SHC3: variants seen among roughly 807,000 people sequenced by gnomAD.
The protein encoded by SHC3 is SHC adaptor protein 3.
In SHC3, 15 loss-of-function variants were observed where a neutral mutation model predicts 60.4. The observed-to-expected ratio is 0.25, with a 90% CI of 0.17 to 0.38. The LOEUF (loss-of-function observed/expected upper bound fraction) is 0.38. SHC3 is among the 10% of genes least tolerant of loss of function. The pLI is 1.00. For synonymous variants in SHC3, 294 were observed against 325.9 expected (o/e 0.90, Z 1.05); for missense variants, 677 against 786.1 (o/e 0.86, Z 1.66).
intron 2 of SHC3, among the ~76,000 whole-genome samples, chr9:89,084,869 A>G (rs1825502884): frequency 6.6e-6 from 1 of 152,190 alleles, no homozygotes; most frequent in African/African-American, 2.4e-5. Context: ...AAGAAGCTGG[A>G]CCACCAAGGC....
At chr9:89,140,236 T>A (rs1826373091) in intron 1 of SHC3, among the ~76,000 whole-genome samples, 1 of 152,102 alleles carries the variant, frequency 6.6e-6, no homozygotes, top group Non-Finnish European at 1.5e-5. Context: ...CATTTACCAG[T>A]TTCTTAATTG....
chr9:89,116,873 A>G (rs1032989248), intron 1 of SHC3, among the ~76,000 whole-genome samples: 1 of 152,194 alleles, frequency 6.6e-6, no homozygotes, highest in Non-Finnish European at 1.5e-5. Context: ...ATCCACCAGC[A>G]CAGAATCAAG....
chr9:89,114,192 A>G (rs1825990178), intron 1 of SHC3, among the ~76,000 whole-genome samples: 1 of 152,184 alleles, frequency 6.6e-6, no homozygotes, highest in South Asian at 2.1e-4. Flanking sequence ...TTATGAAGAT[A>G]CCACAAAAAA....
intron 2 of SHC3, among the ~76,000 whole-genome samples, chr9:89,084,679 C>G (rs1825500197): frequency 1.3e-5 from 2 of 152,190 alleles, no homozygotes; most frequent in Non-Finnish European, 1.5e-5. Context: ...TTAGAATAAG[C>G]CTTCTGCTCT....
chr9:89,112,137 CT>C (rs1236117304), intron 2 of SHC3, among the ~76,000 whole-genome samples: 1 of 152,190 alleles, frequency 6.6e-6, no homozygotes, highest in African/African-American at 2.4e-5. Flanking sequence ...GCTGTTTCTG[CT>C]TCCAATTCTA....
At chr9:89,063,235 T>C (rs1054783219) in intron 6 of SHC3, among the ~76,000 whole-genome samples, 1 of 152,156 alleles carries the variant, frequency 6.6e-6, no homozygotes, top group Non-Finnish European at 1.5e-5. Flanking sequence ...GTTCAAGCGA[T>C]TCTTCTGCCT....
intron 1 of SHC3, among the ~76,000 whole-genome samples, chr9:89,130,610 C>T (rs146871038): frequency 0.03 from 4,497 of 152,242 alleles, 205 homozygotes; most frequent in African/African-American, 0.1. Context: ...GATTAAGAAA[C>T]TCACTCAAAA....
At chr9:89,149,167 C>T (rs1460572240) in intron 1 of SHC3, among the ~76,000 whole-genome samples, 1 of 152,154 alleles carries the variant, frequency 6.6e-6, no homozygotes, top group African/African-American at 2.4e-5. Context: ...CTAGTCTCCA[C>T]CGCACACTGG....
chr9:89,057,506 G>A (rs536611825), intron 6 of SHC3, among the ~76,000 whole-genome samples: 2 of 152,032 alleles, frequency 1.3e-5, no homozygotes, highest in South Asian at 4.2e-4. Context: ...TGAATAAAAG[G>A]AGACTTCATA....
intron 2 of SHC3, among the ~76,000 whole-genome samples, chr9:89,093,554 A>C (rs1587722967): frequency 7.2e-6 from 1 of 138,796 alleles, no homozygotes; most frequent in African/African-American, 2.7e-5. Context: ...TAGAGTCTCC[A>C]AAAAAAAAAA....
At chr9:89,092,210 A>G (rs1385355070) in intron 2 of SHC3, among the ~76,000 whole-genome samples, 1 of 152,248 alleles carries the variant, frequency 6.6e-6, no homozygotes, top group Non-Finnish European at 1.5e-5. Context: ...GGTTCAGCAC[A>G]GAAGGGTGTA....
chr9:89,032,432 C>A (rs909725101), intron 11 of SHC3, among the ~76,000 whole-genome samples: 6 of 152,208 alleles, frequency 3.9e-5, no homozygotes, highest in Non-Finnish European at 8.8e-5. Flanking sequence ...AATGCAAGCA[C>A]AGTGCCCACC....
intron 11 of SHC3, among the ~76,000 whole-genome samples, chr9:89,022,572 G>T (rs542282996): frequency 6.6e-6 from 1 of 152,212 alleles, no homozygotes; most frequent in East Asian, 1.9e-4. Context: ...ATGACCCTTT[G>T]CTCATCATAA....
In SHC3 at chr9:89,132,894, C is replaced by A. The variant is rs1036021848; in HGVS notation, c.475-20268G>T. On this transcript the variant is annotated intron_variant, in intron 1 of 11. Coordinates refer to ENST00000375835, the MANE Select transcript of SHC3 (RefSeq NM_016848.6). ...ACACCAAAAGCAATGGCAACAAAAG[C>A]CAAAATAGACAAATGGGATCTAATT... Among the ~76,000 whole-genome samples the A allele has an allele frequency of 1.2e-4, 18 of 152,128 alleles. 1 individual carries two copies. Among genetic ancestry groups the A allele is most frequent in the African/African-American group, 4.1e-4 (17 of 41,478 alleles).
chr9:89,112,001 C>A (rs1197993264), intron 2 of SHC3, among the ~76,000 whole-genome samples: 1 of 152,140 alleles, frequency 6.6e-6, no homozygotes, highest in Non-Finnish European at 1.5e-5. Flanking sequence ...TTTTAAAAAA[C>A]CAGTGCTTAA....
At chr9:89,133,296 C>G (rs1419755418) in intron 1 of SHC3, among the ~76,000 whole-genome samples, 1 of 152,190 alleles carries the variant, frequency 6.6e-6, no homozygotes, top group African/African-American at 2.4e-5. Context: ...AACAGGAACA[C>G]TTTTACAGTG....
chr9:89,070,060 T>G (rs1424653979), intron 5 of SHC3, among the ~76,000 whole-genome samples: 1 of 152,202 alleles, frequency 6.6e-6, no homozygotes, highest in East Asian at 1.9e-4. Flanking sequence ...ATCTGAAGAT[T>G]GCCTACTCAT....
intron 2 of SHC3, chr9:89,088,730 G>A (rs1274020398): frequency 6.6e-6 from 1 of 152,406 alleles, no homozygotes; most frequent in African/African-American, 2.4e-5. Flanking sequence ...CAACCAGAGG[G>A]AGAGGGGCCT....
At chr9:89,168,928 C>T (rs1420662132) in intron 1 of SHC3, among the ~76,000 whole-genome samples, 3 of 152,024 alleles carry the variant, frequency 2.0e-5, no homozygotes, top group African/African-American at 4.8e-5. Context: ...TATTTTTTCC[C>T]ACCTTCAGAT....
Sources: allele counts gnomAD v4.1 joint callset (sites outside exome capture counted in the v4.1 genomes callset), GRCh38; gene constraint gnomAD v4.1.1; transcripts MANE v1.5; gene names NCBI Gene and HGNC (gene_info 2026-07-23, HGNC 2026-07-21).